Variants in ACOX3 observed in about 807,000 individuals in gnomAD.
ACOX3 encodes the protein acyl-CoA oxidase 3, pristanoyl.
ACOX3 carries 73 observed loss-of-function variants against 81.5 expected under a neutral mutation model. The ratio of observed to expected loss-of-function variants is 0.90; its 90% confidence interval spans 0.74 to 1.09. The LOEUF (loss-of-function observed/expected upper bound fraction) is 1.09, where lower values mean the gene tolerates loss of function less well. Among genes scored for constraint, ACOX3 ranks in the 50% least tolerant of loss-of-function variants. ACOX3 has a pLI of 0.00. For missense variants in ACOX3, 947 were observed against 928.0 expected (o/e 1.02, Z -0.27); for synonymous variants, 387 against 375.1 (o/e 1.03, Z -0.37).
intron 1 of ACOX3, among the ~76,000 whole-genome samples, chr4:8,425,992 C>A (rs1723443451): frequency 6.6e-6 from 1 of 152,076 alleles, no homozygotes; most frequent in South Asian, 2.1e-4. Flanking sequence ...CTCAGGAAAC[C>A]CACCTCGCAT....
At chr4:8,380,713 G>T (rs73085893) in intron 14 of ACOX3, among the ~76,000 whole-genome samples, 32 of 152,226 alleles carry the variant, frequency 2.1e-4, no homozygotes, top group African/African-American at 6.3e-4. Flanking sequence ...CTCATGAACC[G>T]ACGCTAGGGA....
intron 1 of ACOX3, chr4:8,438,892 T>C (rs1367814998): frequency 6.6e-6 from 1 of 152,170 alleles, no homozygotes; most frequent in African/African-American, 2.4e-5. Context: ...GACCAAGCTG[T>C]TGCTGAGGAC....
intron 16 of ACOX3, among the ~76,000 whole-genome samples, chr4:8,371,753 C>G (rs576694394): frequency 2.0e-5 from 3 of 152,240 alleles, no homozygotes; most frequent in South Asian, 4.1e-4. Context: ...GCACAGAGGC[C>G]GCAGACAAAT....
chr4:8,405,070 C>T lies in ACOX3; in HGVS notation c.776+885G>A, dbSNP rs978306715. 1.3e-5 allele frequency among the ~76,000 whole-genome samples: 2 copies of T among 152,162 alleles called. No homozygotes were observed. The highest frequency in any genetic ancestry group is 4.8e-5 in the African/African-American group (2 of 41,434). ...GGGACCTCTCTTGTCACCTACTTTA[C>T]AGATGAGGAAATGCCAAGAAAGCTG... On this transcript the variant is annotated intron_variant, in intron 7 of 17. Transcript: ENST00000356406. This position sits in a 1 kb window ranked among gnomAD's most constrained non-coding sequence, Gnocchi z 7.1.
intron 16 of ACOX3, 106 bp downstream of exon 16, chr4:8,373,455 A>G: frequency 8.3e-7 from 1 of 1,206,090 alleles, no homozygotes; most frequent in South Asian, 1.3e-5. Flanking sequence ...AGTCTGGGTG[A>G]TACTAAGGCG....
At chr4:8,395,478 C>T (rs1719592338) in intron 9 of ACOX3, among the ~76,000 whole-genome samples, 1 of 152,194 alleles carries the variant, frequency 6.6e-6, no homozygotes, top group Non-Finnish European at 1.5e-5. Context: ...GCCATCACCA[C>T]CATGGTCTAA....
intron 11 of ACOX3, among the ~76,000 whole-genome samples, chr4:8,391,013 G>T (rs200840883): frequency 7.7e-6 from 1 of 129,144 alleles, no homozygotes; most frequent in Non-Finnish European, 1.7e-5. Context: ...GTATATGTAT[G>T]TGTATATGTA....
At chr4:8,372,945 C>T (rs975051842) in intron 16 of ACOX3, among the ~76,000 whole-genome samples, 7 of 152,314 alleles carry the variant, frequency 4.6e-5, no homozygotes, top group East Asian at 1.9e-4. Context: ...CTCACACAGC[C>T]GCCTTCCCCC....
intron 1 of ACOX3, among the ~76,000 whole-genome samples, chr4:8,440,172 C>CA (rs1359726704): frequency 7.9e-3 from 1 of 126 alleles, no homozygotes; most frequent in East Asian, 0.12. Flanking sequence ...TTCACGTGGA[C>CA]CCTTAAAGTC....
chr4:8,402,871 C>A (rs887860722), intron 7 of ACOX3, among the ~76,000 whole-genome samples: 3 of 152,188 alleles, frequency 2.0e-5, no homozygotes, highest in African/African-American at 7.2e-5. Flanking sequence ...CCCTGGACAT[C>A]CTGCTTCTTA....
At position 8,392,360 on chromosome 4, in the gene ACOX3, C is replaced by A; in HGVS notation, c.1273G>T (p.Ala425Ser). ...GCCAGATAGCCGTGTCCTCCACACG[C>A]CTCCCGGCATTCCTGAATTCCTTGC... ...TQQGIQECREACGGHGYLAMN... is the reference protein window; with the variant it reads ...TQQGIQECRESCGGHGYLAMN... Residue 425 changes from alanine (A) to serine (S), a missense_variant, in exon 11 of 18, where the codon GCG (alanine) becomes TCG (serine). Ala to Ser is a moderately conservative substitution (Grantham distance 99). Transcript: ENST00000356406. 6.2e-7 allele frequency: 1 copy of A among 1,605,308 alleles called. No individual in the cohort carries two copies. The highest frequency in any genetic ancestry group is 8.5e-7 in the Non-Finnish European group (1 of 1,176,892).
At chr4:8,356,418 G>A in the ACOX3 span, 2 of 403,834 alleles carry the variant, frequency 5.0e-6, no homozygotes, top group Admixed American at 2.6e-5. Flanking sequence ...TGGCTGCCAC[G>A]GAGCAGAAGC....
At position 8,394,904 on chromosome 4, in the gene ACOX3, C is replaced by T. The variant is rs762003125; in HGVS notation, c.1057-162G>A. 5.5e-5 allele frequency: 52 copies of T among 940,954 alleles called. No homozygotes were observed. The highest frequency in any genetic ancestry group is 7.6e-5 in the Non-Finnish European group (50 of 659,054). 58.3% of individuals were successfully genotyped at this position (940,954 alleles called of 1,614,324 possible). ...TTCCCGGCACATCAGAAAGCCTTCA[C>T]CCTGACACGCTCTCAACTCAGCCAG... On this transcript the variant is annotated intron_variant, in intron 9 of 17. Transcript: ENST00000356406. The surrounding 1 kb of genome is among the most constrained non-coding windows in gnomAD (Gnocchi z 5.9).
chr4:8,403,342 C>T (rs917993179), intron 7 of ACOX3, among the ~76,000 whole-genome samples: 1 of 152,194 alleles, frequency 6.6e-6, no homozygotes, highest in African/African-American at 2.4e-5. Flanking sequence ...GGTATCACTG[C>T]GCCCCCTGCT....
In ACOX3 at chr4:8,423,377, C is replaced by T. The variant is rs1422405671; in HGVS notation, c.-14-6842G>A. The stretch of plus-strand genomic sequence containing the variant: ...GGAATTAATCCTGAAGTCTGGGCAA[C>T]AGAAGGACAATATGGATGAGGGAAG... On this transcript the variant is annotated intron_variant, in intron 1 of 17. Coordinates refer to ENST00000356406, the MANE Select transcript of ACOX3 (RefSeq NM_003501.3). The surrounding 1 kb of genome is among the most constrained non-coding windows in gnomAD (Gnocchi z 4.2). Among the ~76,000 whole-genome samples, 1 of 152,110 alleles carries T rather than the reference C, an allele frequency of 6.6e-6. No individual in the cohort carries two copies. The highest frequency in any genetic ancestry group is 1.5e-5 in the Non-Finnish European group (1 of 68,028).
rs572889809 is a variant in ACOX3, at chr4:8,369,661, C to T, written c.1983+1247G>A. On this transcript the variant is annotated intron_variant, in intron 17 of 17. Coordinates refer to ENST00000356406, the MANE Select transcript of ACOX3 (RefSeq NM_003501.3). ...CCCAACCCAGGTGTAGCCTGGGCCG[C>T]GCTGAGGCCAGGCGCTGGGCCCTCC... Among the ~76,000 whole-genome samples, 156 of 152,340 alleles carry T rather than the reference C, an allele frequency of 1.0e-3. 1 individual carries two copies. Among genetic ancestry groups the T allele is most frequent in the Non-Finnish European group, 1.4e-3 (93 of 68,028 alleles).
chr4:8,406,063 G>T lies in ACOX3; in HGVS notation c.688-20C>A. On this transcript the variant is annotated intron_variant, in intron 6 of 17. Coordinates refer to ENST00000356406, the MANE Select transcript of ACOX3 (RefSeq NM_003501.3). The surrounding 1 kb of genome is among the most constrained non-coding windows in gnomAD (Gnocchi z 5.6). ...CCGGATCTATACAAAGCCACAGAAA[G>T]CAGCAAACAGCAACTGTTACAATCA... 6.2e-7 allele frequency: 1 copy of T among 1,604,208 alleles called. No individual in the cohort carries two copies. The highest frequency in any genetic ancestry group is 8.5e-7 in the Non-Finnish European group (1 of 1,171,232).
chr4:8,410,933 A>C (rs1055262262), intron 5 of ACOX3, among the ~76,000 whole-genome samples: 4 of 152,236 alleles, frequency 2.6e-5, no homozygotes, highest in African/African-American at 9.6e-5. Flanking sequence ...CTGTGGCATC[A>C]CAGCGTTCGG....
intron 1 of ACOX3, among the ~76,000 whole-genome samples, chr4:8,418,910 A>G (rs1722630345): frequency 6.6e-6 from 1 of 152,214 alleles, no homozygotes; most frequent in African/African-American, 2.4e-5. Context: ...ACAGAAAAAT[A>G]TGGTCAACAT....
Sources: gnomAD v4.1 joint callset for allele counts (sites outside exome capture counted in the v4.1 genomes callset) on GRCh38, gnomAD v4.1.1 for gene constraint, Gnocchi (gnomAD v3.1) non-coding constraint, MANE v1.5 for transcripts, NCBI Gene and HGNC (gene_info 2026-07-23, HGNC 2026-07-21) for gene names.